The following RIN2 variants were observed in gnomAD, a reference collection of about 807,000 sequenced individuals.
The protein encoded by RIN2 is RAB5 interacting protein 2.
A neutral mutation model predicts 78.0 loss-of-function variants in RIN2; 36 were observed. The observed-to-expected ratio is 0.46, with a 90% CI of 0.35 to 0.61. The LOEUF (loss-of-function observed/expected upper bound fraction) is 0.61. Among genes scored for constraint, RIN2 ranks in the 20% least tolerant of loss-of-function variants. The probability of loss-of-function intolerance (pLI) is 0.00; values close to 1 mark genes in which losing one functional copy is unlikely to be tolerated. For missense variants in RIN2, 1,087 were observed against 1,159.7 expected (o/e 0.94, Z 0.91); for synonymous variants, 466 against 466.8 (o/e 1.00, Z 0.02).
intron 3 of RIN2, among the ~76,000 whole-genome samples, chr20:19,916,430 A>G (rs2039687487): frequency 1.3e-5 from 2 of 152,100 alleles, no homozygotes; most frequent in Non-Finnish European, 2.9e-5. Context: ...TCCATCCTGG[A>G]CAAACTAGCG....
intron 4 of RIN2, among the ~76,000 whole-genome samples, chr20:19,940,871 C>T (rs539694656): frequency 2.6e-5 from 4 of 152,328 alleles, no homozygotes; most frequent in East Asian, 1.9e-4. Context: ...TATCCTCAGG[C>T]GGAACAGAGG....
intron 1 of RIN2, among the ~76,000 whole-genome samples, chr20:19,779,619 A>G (rs2122511311): frequency 6.6e-6 from 1 of 152,332 alleles, no homozygotes; most frequent in East Asian, 1.9e-4. Context: ...CGTGCTTGTC[A>G]AATTGTAGCC....
At chr20:19,761,898 C>CAAA (rs1158704475) in intron 1 of RIN2, among the ~76,000 whole-genome samples, 3 of 152,198 alleles carry the variant, frequency 2.0e-5, no homozygotes, top group African/African-American at 4.8e-5. Flanking sequence ...AGAATCCCCT[C>CAAA]AAACGCAGCT....
chr20:19,977,586 C>T (rs2146331838), intron 9 of RIN2, among the ~76,000 whole-genome samples: 1 of 152,322 alleles, frequency 6.6e-6, no homozygotes. Flanking sequence ...AAGGAGGGCT[C>T]TGCCAGGCCA....
chr20:19,942,747 G>A (rs912930035), intron 4 of RIN2, among the ~76,000 whole-genome samples: 32 of 152,130 alleles, frequency 2.1e-4, no homozygotes, highest in African/African-American at 7.7e-4. Flanking sequence ...TTCTGTTTTT[G>A]TTGACGGGTA....
At chr20:19,839,100 C>T (rs952373167) in intron 2 of RIN2, among the ~76,000 whole-genome samples, 2 of 152,212 alleles carry the variant, frequency 1.3e-5, no homozygotes, top group Middle Eastern at 3.2e-3. Context: ...CAGTGCTCAG[C>T]GCCTCATGGA....
chr20:19,932,014 G>T (rs2040461729), intron 3 of RIN2, among the ~76,000 whole-genome samples: 2 of 152,294 alleles, frequency 1.3e-5, no homozygotes, highest in Non-Finnish European at 2.9e-5. Flanking sequence ...AGCTCTGGGG[G>T]TAATATTCCT....
chr20:19,951,050 T>C (rs1054443631), intron 4 of RIN2, among the ~76,000 whole-genome samples: 1 of 152,046 alleles, frequency 6.6e-6, no homozygotes, highest in African/African-American at 2.4e-5. Context: ...CCATCATGCC[T>C]GGCTAATTCT....
intron 2 of RIN2, among the ~76,000 whole-genome samples, chr20:19,885,471 G>T (rs986588809): frequency 1.3e-5 from 2 of 152,126 alleles, no homozygotes; most frequent in Admixed American, 1.3e-4. Context: ...TTCAAGACCA[G>T]CCTGGCCAAC....
intron 4 of RIN2, among the ~76,000 whole-genome samples, chr20:19,937,671 A>C (rs1319942468): frequency 1.3e-5 from 2 of 152,222 alleles, no homozygotes; most frequent in African/African-American, 4.8e-5. Flanking sequence ...GAATGCATAA[A>C]ATAACATATA....
intron 2 of RIN2, among the ~76,000 whole-genome samples, chr20:19,888,538 A>C (rs2038298916): frequency 6.6e-6 from 1 of 152,212 alleles, no homozygotes; most frequent in African/African-American, 2.4e-5. Context: ...CTGCAGCTGA[A>C]CCACTTTGAA....
intron 1 of RIN2, among the ~76,000 whole-genome samples, chr20:19,781,642 G>T (rs898234454): frequency 6.6e-6 from 1 of 152,164 alleles, no homozygotes; most frequent in African/African-American, 2.4e-5. Context: ...TGGCCAGGCT[G>T]GTCTCAAACT....
intron 3 of RIN2, among the ~76,000 whole-genome samples, chr20:19,922,121 C>G (rs1053785919): frequency 1.3e-5 from 2 of 152,192 alleles, no homozygotes; most frequent in African/African-American, 4.8e-5. Flanking sequence ...TCGCCTCGGC[C>G]TCCCAAACTG....
At chr20:19,854,809 A>C (rs971341274) in intron 2 of RIN2, among the ~76,000 whole-genome samples, 9 of 152,304 alleles carry the variant, frequency 5.9e-5, no homozygotes, top group African/African-American at 2.2e-4. Flanking sequence ...CTAAATATAT[A>C]ATCATGTCAT....
At chr20:19,871,338 C>CG (rs1467146572) in intron 2 of RIN2, among the ~76,000 whole-genome samples, 13 of 152,244 alleles carry the variant, frequency 8.5e-5, no homozygotes, top group Admixed American at 7.8e-4. Flanking sequence ...GAGGCCAAGA[C>CG]GGGGCTTCAC....
chr20:19,996,877 C>T, intron 12 of RIN2, 35 bp downstream of exon 12: 1 of 1,535,220 alleles, frequency 6.5e-7, no homozygotes, highest in South Asian at 1.2e-5. Context: ...TTCCTTCGTC[C>T]TCCAGGAATG....
chr20:19,808,815 C>T (rs1045953549), intron 2 of RIN2, among the ~76,000 whole-genome samples: 40 of 152,186 alleles, frequency 2.6e-4, no homozygotes, highest in Admixed American at 6.5e-5. Context: ...CTAGTGCCAG[C>T]GACCCTAGGG....
intron 4 of RIN2, among the ~76,000 whole-genome samples, chr20:19,949,632 G>C (rs537763436): frequency 1.3e-5 from 2 of 152,142 alleles, no homozygotes; most frequent in African/African-American, 4.8e-5. Flanking sequence ...TTGCCTTATT[G>C]TCTCTCATTT....
At chr20:19,757,993 T>G (rs990219151), upstream of RIN2, 1 of 152,324 alleles carries the variant, frequency 6.6e-6, no homozygotes, top group Non-Finnish European at 1.5e-5. Flanking sequence ...TTACAGGGAA[T>G]GGAGGGATGG....
Sources: gnomAD v4.1 joint callset for allele counts (sites outside exome capture counted in the v4.1 genomes callset) on GRCh38, gnomAD v4.1.1 for gene constraint, MANE v1.5 for transcripts, NCBI Gene and HGNC (gene_info 2026-07-23, HGNC 2026-07-21) for gene names.